Variants in USP34 observed in about 807,000 individuals in gnomAD.
USP34 encodes ubiquitin carboxyl-terminal hydrolase 34.
Under a neutral mutation model 460.3 loss-of-function variants are expected in USP34, and 70 were observed. The observed-to-expected ratio is 0.15, with a 90% CI of 0.13 to 0.19. The LOEUF (loss-of-function observed/expected upper bound fraction) is 0.19. Ranked by LOEUF, USP34 falls within the 10% of genes least tolerant of loss-of-function variation. USP34 has a pLI of 1.00. For synonymous variants in USP34, 1,647 were observed against 1,405.3 expected (o/e 1.17, Z -3.85); for missense variants, 3,985 against 4,236.2 (o/e 0.94, Z 1.65).
chr2:61,356,475 G>GCGCGCGCACACACACA (rs369666693), intron 10 of USP34, among the ~76,000 whole-genome samples: 1 of 128,426 alleles, frequency 7.8e-6, no homozygotes, highest in African/African-American at 2.7e-5. Flanking sequence ...GGGTGAAAGC[G>GCGCGCGCACACACACA]CACACACACA....
Position 61,241,544 on chromosome 2 carries a change from T to G in USP34, c.6777+16A>C. The G allele has an allele frequency of 3.2e-5, 50 of 1,566,102 alleles. No homozygotes were observed. The highest frequency in any genetic ancestry group is 3.8e-5 in the Non-Finnish European group (44 of 1,152,026). ...ACATATTTTTAAAATGTTGCTCAAA[T>G]GAAATTAACTTATACCTCTAGTAAC... is the stretch of plus-strand genomic sequence containing the variant. On this transcript the variant is annotated intron_variant, in intron 53 of 79. Transcript: ENST00000398571.
intron 10 of USP34, among the ~76,000 whole-genome samples, chr2:61,351,443 A>T (rs1280011750): frequency 6.6e-6 from 1 of 151,126 alleles, no homozygotes; most frequent in Admixed American, 6.7e-5. Flanking sequence ...AGATATAAAC[A>T]CTAAATATTA....
chr2:61,281,160 G>T lies in USP34; in HGVS notation c.5081C>A (p.Ser1694Tyr). Residue 1694 changes from serine to tyrosine, a missense_variant, in exon 38 of 80, where the codon TCT becomes TAT. Physicochemically the swap from Ser to Tyr is moderately radical, Grantham distance 144. Around this residue, in one of 14 missense-constraint regions of USP34, gnomAD observed 1,114 missense variants for 1,122.5 expected, o/e 0.99. Transcript: ENST00000398571. ...TGTTGAGGCAGCCAATAGCAGAAAA[G>T]AACGATTGATTGAGTCTCCTCCATC... ...GLDGGDSINR[S>Y]FLLLAASTLL... 6.2e-7 allele frequency: 1 copy of T among 1,613,944 alleles called. No homozygotes were observed. The highest frequency in any genetic ancestry group is 8.5e-7 in the Non-Finnish European group (1 of 1,179,932).
chr2:61,415,094 G>A (rs1157705922), intron 2 of USP34, among the ~76,000 whole-genome samples: 1 of 152,110 alleles, frequency 6.6e-6, no homozygotes, highest in African/African-American at 2.4e-5. Flanking sequence ...GAATCTTAGG[G>A]TTTTCCTTTT....
chr2:61,469,510 G>A (rs1407426220), intron 1 of USP34, among the ~76,000 whole-genome samples: 1 of 152,160 alleles, frequency 6.6e-6, no homozygotes, highest in Non-Finnish European at 1.5e-5. Flanking sequence ...CACCTATCAG[G>A]AAGTAAATAC....
intron 1 of USP34, among the ~76,000 whole-genome samples, chr2:61,429,873 C>G (rs1006777450): frequency 6.6e-6 from 1 of 151,822 alleles, no homozygotes; most frequent in Non-Finnish European, 1.5e-5. Flanking sequence ...ACCAGTCTGG[C>G]CAACATGGTG....
At chr2:61,232,802 G>A (rs1382723983) in intron 57 of USP34, among the ~76,000 whole-genome samples, 1 of 144,662 alleles carries the variant, frequency 6.9e-6, no homozygotes, top group Non-Finnish European at 1.5e-5. Context: ...CATTCTCTTA[G>A]CCCTCATAAA....
chr2:61,250,699 T>A (rs1688554562), intron 48 of USP34: 1 of 152,790 alleles, frequency 6.5e-6, no homozygotes. Flanking sequence ...TGAAGAGCTG[T>A]TATGATCCTT....
At chr2:61,220,161 A>T (rs1687518988) in intron 67 of USP34, 149 bp downstream of exon 67, 2 of 71,510 alleles carry the variant, frequency 2.8e-5, no homozygotes, top group African/African-American at 5.5e-4. Context: ...TAAAAAAAAA[A>T]AAAAAAAAAA....
chr2:61,339,250 A>G (rs2103752099), intron 18 of USP34, 101 bp downstream of exon 18: 1 of 1,167,974 alleles, frequency 8.6e-7, no homozygotes, highest in South Asian at 1.7e-5. Context: ...TAATACAGGT[A>G]TATGAAACAG....
At chr2:61,294,100 C>T (rs1052193288) in intron 32 of USP34, among the ~76,000 whole-genome samples, 1 of 152,090 alleles carries the variant, frequency 6.6e-6, no homozygotes, top group Non-Finnish European at 1.5e-5. Flanking sequence ...AATCCCAGCA[C>T]TTTGGGAGGC....
rs756628675 is a variant in USP34, at chr2:61,339,570, T to A, written c.2612A>T (p.Asp871Val). 6.4e-7 allele frequency: 1 copy of A among 1,571,172 alleles called. No individual in the cohort carries two copies. Among genetic ancestry groups the A allele is most frequent in the Non-Finnish European group, 8.6e-7 (1 of 1,165,740 alleles). ...TLLWDIVQDE[D>V]AVNLSEGLIN... ...TGGTTCTATTAAATAACTTACTGCA[T>A]CTTCATCTTGGACTATATCCCACAA... The change falls in exon 17 of 80, where the codon GAT becomes GTT. Residue 871 changes from aspartate (D) to valine (V), a missense_variant. Transcript: ENST00000398571.
At chr2:61,364,855 C>T (rs994711018) in intron 10 of USP34, among the ~76,000 whole-genome samples, 4 of 151,866 alleles carry the variant, frequency 2.6e-5, no homozygotes, top group African/African-American at 4.8e-5. Context: ...GCTTGAGCTC[C>T]GGAGACGGAG....
At chr2:61,463,348 T>C (rs954959933) in intron 1 of USP34, among the ~76,000 whole-genome samples, 1 of 152,140 alleles carries the variant, frequency 6.6e-6, no homozygotes, top group Non-Finnish European at 1.5e-5. Flanking sequence ...TCAAAAAATT[T>C]GAAATTTTAT....
chr2:61,250,207 G>A (rs1271760484), intron 48 of USP34: 1 of 163,614 alleles, frequency 6.1e-6, no homozygotes, highest in Non-Finnish European at 1.3e-5. Flanking sequence ...AACAGAGCGA[G>A]ACTCAAAAAA....
In USP34 at chr2:61,241,674, A is replaced by T. The variant is rs1194117227; in HGVS notation, c.6682-19T>A. 1 of 1,568,016 alleles carries T rather than the reference A, an allele frequency of 6.4e-7. No individual in the cohort carries two copies. Among genetic ancestry groups the T allele is most frequent in the African/African-American group, 1.4e-5 (1 of 71,984 alleles). On this transcript the variant is annotated intron_variant, in intron 52 of 79. Coordinates refer to ENST00000398571, the MANE Select transcript of USP34 (RefSeq NM_014709.4). Reference sequence around the variant, plus strand: ...TGTGTGTCTTTAAGAGGCAAGAAAAAAATTTATTTTCATTTTGACAAAGTA... The same window carrying T: ...TGTGTGTCTTTAAGAGGCAAGAAAATAATTTATTTTCATTTTGACAAAGTA...
At chr2:61,456,602 A>G (rs1695447391) in intron 1 of USP34, among the ~76,000 whole-genome samples, 1 of 152,098 alleles carries the variant, frequency 6.6e-6, no homozygotes, top group Non-Finnish European at 1.5e-5. Flanking sequence ...AGATCACTTG[A>G]GCCCAGGAGT....
At chr2:61,319,081 TC>T (rs1020959718) in intron 22 of USP34, 91 bp downstream of exon 22, 8 of 1,232,768 alleles carry the variant, frequency 6.5e-6, no homozygotes, top group Non-Finnish European at 6.5e-6. Flanking sequence ...AAAAAAACTG[TC>T]AAAAAAAAAA....
intron 59 of USP34, 61 bp downstream of exon 59, chr2:61,229,487 A>AAACAAAAAAACCACAC: frequency 1.2e-6 from 1 of 820,746 alleles, no homozygotes; most frequent in Non-Finnish European, 1.6e-6. Context: ...AAAAAAAAAA[A>AAACAAAAAAACCACAC]ACAAAAACAC....
Sources: allele counts gnomAD v4.1 joint callset (sites outside exome capture counted in the v4.1 genomes callset), GRCh38; gene constraint gnomAD v4.1.1; regional missense constraint gnomAD v4.1.1; transcripts MANE v1.5; gene names NCBI Gene and HGNC (gene_info 2026-07-23, HGNC 2026-07-21).